Variants in CTNNA2 observed in about 807,000 individuals in gnomAD.
The protein encoded by CTNNA2 is catenin alpha-2.
A neutral mutation model predicts 101.0 loss-of-function variants in CTNNA2; 42 were observed. The observed-to-expected ratio is 0.42, with a 90% confidence interval of 0.32 to 0.54. The LOEUF (loss-of-function observed/expected upper bound fraction) is 0.54, where lower values mean the gene tolerates loss of function less well. Ranked by LOEUF, CTNNA2 falls within the 20% of genes least tolerant of loss-of-function variation. The pLI, the probability that CTNNA2 is intolerant of heterozygous loss-of-function variation, is 0.14. For synonymous variants in CTNNA2, 450 were observed against 456.4 expected (o/e 0.99, Z 0.18); for missense variants, 871 against 1,223.1 (o/e 0.71, Z 4.29).
At chr2:80,050,749 G>A (rs767978589) in intron 7 of CTNNA2, among the ~76,000 whole-genome samples, 9 of 152,166 alleles carry the variant, frequency 5.9e-5, no homozygotes, top group Non-Finnish European at 5.9e-5. Context: ...CACCCAGGCT[G>A]CAGTGCAGTG....
At position 80,648,021 on chromosome 2, in the gene CTNNA2, T is replaced by G; in HGVS notation, c.*149T>G. On this transcript the variant is annotated 3_prime_UTR_variant, in exon 19 of 19. Coordinates refer to ENST00000402739, the MANE Select transcript of CTNNA2 (RefSeq NM_001282597.3). ...GTGTCTGTTTGCATGTAAGATGAGA[T>G]GAGATCAATACTACTGATCCATCTG... The G allele has an allele frequency of 1.4e-6, 1 of 703,370 alleles. No homozygotes were observed. Among genetic ancestry groups the G allele is most frequent in the Non-Finnish European group, 2.3e-6 (1 of 436,072 alleles). The allele number at this position is 703,370 out of a possible 1,614,324, so 43.6% of individuals were successfully genotyped here. A position where few individuals can be genotyped will look rare whatever the true frequency, so the allele number is the denominator to read the frequency against.
chr2:80,601,949 G>GT (rs1483912168), intron 15 of CTNNA2: 7 of 152,000 alleles, frequency 4.6e-5, no homozygotes, highest in African/African-American at 1.4e-4. Context: ...GAAAAAAAGT[G>GT]TACTAAATTA....
chr2:80,030,643 A>T (rs1164045990), intron 7 of CTNNA2: 1 of 152,200 alleles, frequency 6.6e-6, no homozygotes, highest in Non-Finnish European at 1.5e-5. Flanking sequence ...ATCAACAAAG[A>T]AATCAAAAAA....
chr2:80,043,019 CT>C (rs1424157951), intron 7 of CTNNA2, among the ~76,000 whole-genome samples: 8 of 35,284 alleles, frequency 2.3e-4, no homozygotes, highest in Non-Finnish European at 3.4e-4. Flanking sequence ...CTTTCTTTCC[CT>C]TTCTTTCTTT....
intron 3 of CTNNA2, among the ~76,000 whole-genome samples, chr2:79,346,045 CTG>C (rs1677256367): frequency 6.6e-6 from 1 of 151,950 alleles, no homozygotes; most frequent in Non-Finnish European, 1.5e-5. Context: ...GGGAGCTAAT[CTG>C]TGTATATTGA....
At chr2:80,471,525 G>T in intron 9 of CTNNA2, among the ~76,000 whole-genome samples, 1 of 152,168 alleles carries the variant, frequency 6.6e-6, no homozygotes, top group East Asian at 1.9e-4. Flanking sequence ...CTGTTTAGAG[G>T]CAGGAGCCAG....
chr2:80,496,298 C>T (rs960436757), intron 9 of CTNNA2, among the ~76,000 whole-genome samples: 3 of 151,950 alleles, frequency 2.0e-5, no homozygotes, highest in African/African-American at 7.3e-5. Context: ...TGGCTCTGTG[C>T]ATTGTTCTAA....
At chr2:80,165,673 G>A (rs918909694) in intron 7 of CTNNA2, among the ~76,000 whole-genome samples, 6 of 152,094 alleles carry the variant, frequency 3.9e-5, no homozygotes, top group African/African-American at 1.2e-4. Context: ...GGGGATGACC[G>A]GATTATCACT....
chr2:79,486,642 A>G lies in CTNNA2; in HGVS notation c.-134-18412A>G, dbSNP rs552288229. On this transcript the variant is annotated intron_variant, in intron 4 of 21. Transcript: ENST00000466387. ...ATTTCTAGTTCTAGATCCCTGAGGA[A>G]TCGCCACACTGACTTCCACAATGAT... Among the ~76,000 whole-genome samples, 269 of 152,278 alleles carry G rather than the reference A, an allele frequency of 1.8e-3. 1 individual carries two copies. Among genetic ancestry groups the G allele is most frequent in the African/African-American group, 6.3e-3 (260 of 41,564 alleles).
At chr2:80,356,262 G>A (rs951766469) in intron 7 of CTNNA2, among the ~76,000 whole-genome samples, 4 of 152,136 alleles carry the variant, frequency 2.6e-5, no homozygotes, top group African/African-American at 9.7e-5. Flanking sequence ...TGGCACAAAG[G>A]TGACTAATGG....
At chr2:80,415,754 G>A (rs998196203) in intron 8 of CTNNA2, among the ~76,000 whole-genome samples, 6 of 151,994 alleles carry the variant, frequency 3.9e-5, no homozygotes, top group Admixed American at 2.6e-4. Flanking sequence ...CATTATTTAC[G>A]ATAGCCAAGA....
intron 9 of CTNNA2, among the ~76,000 whole-genome samples, chr2:80,453,231 A>C (rs1683668290): frequency 6.6e-6 from 1 of 152,128 alleles, no homozygotes; most frequent in Admixed American, 6.5e-5. Flanking sequence ...GGGTCTGTGC[A>C]AGGTTGAGCA....
At chr2:79,959,338 T>G (rs750115285) in intron 7 of CTNNA2, among the ~76,000 whole-genome samples, 2 of 152,224 alleles carry the variant, frequency 1.3e-5, no homozygotes, top group Non-Finnish European at 2.9e-5. Flanking sequence ...ATCAGAGTAG[T>G]CTAGTGAGTA....
At chr2:79,373,656 A>G (rs1011017060) in intron 3 of CTNNA2, among the ~76,000 whole-genome samples, 32 of 77,046 alleles carry the variant, frequency 4.2e-4, no homozygotes, top group Non-Finnish European at 2.4e-5. Flanking sequence ...AAAAACGGTA[A>G]CTCCCTGGAA....
intron 7 of CTNNA2, among the ~76,000 whole-genome samples, chr2:80,231,769 A>AT (rs1709226939): frequency 6.6e-6 from 1 of 152,178 alleles, no homozygotes; most frequent in Non-Finnish European, 1.5e-5. Flanking sequence ...TTACCCCAAA[A>AT]TATATTTCTT....
chr2:79,652,653 C>A (rs556904669), intron 2 of CTNNA2, among the ~76,000 whole-genome samples: 101 of 152,220 alleles, frequency 6.6e-4, no homozygotes, highest in African/African-American at 1.9e-3. Flanking sequence ...AGATCCTTAA[C>A]CCAATCACAT....
intron 2 of CTNNA2, among the ~76,000 whole-genome samples, chr2:79,297,639 G>A (rs901331589): frequency 6.6e-6 from 1 of 152,164 alleles, no homozygotes; most frequent in African/African-American, 2.4e-5. Context: ...CATGCAGACT[G>A]GAGCCAAGAC....
intron 7 of CTNNA2, among the ~76,000 whole-genome samples, chr2:80,318,517 G>T (rs1488271168): frequency 6.6e-6 from 1 of 152,130 alleles, no homozygotes; most frequent in Non-Finnish European, 1.5e-5. Flanking sequence ...AGTTGGGTTT[G>T]AGAATTTCTA....
chr2:79,923,866 G>A (rs1269127104), intron 7 of CTNNA2, among the ~76,000 whole-genome samples: 3 of 152,052 alleles, frequency 2.0e-5, no homozygotes, highest in African/African-American at 4.8e-5. Flanking sequence ...GTGTTGGCAG[G>A]AAAGTAAATT....
Sources: gnomAD v4.1 joint callset for allele counts (sites outside exome capture counted in the v4.1 genomes callset) on GRCh38, gnomAD v4.1.1 for gene constraint, MANE v1.5 for transcripts, NCBI Gene and HGNC (gene_info 2026-07-23, HGNC 2026-07-21) for gene names.